Variants in SPAM1 observed in about 807,000 individuals in gnomAD.
SPAM1 encodes the protein sperm adhesion molecule 1, also known as hyaluronidase PH-20.
In SPAM1, 22 loss-of-function variants were observed where a neutral mutation model predicts 29.6. That is an observed-to-expected ratio of 0.74 (90% CI 0.53 to 1.06). SPAM1 has a LOEUF of 1.06. SPAM1 is among the 50% of genes least tolerant of loss of function. The pLI, the probability that SPAM1 is intolerant of heterozygous loss-of-function variation, is 0.00. For missense variants in SPAM1, 534 were observed against 604.0 expected (o/e 0.88, Z 1.21); for synonymous variants, 194 against 204.6 (o/e 0.95, Z 0.44).
At chr7:123,929,285 A>G (rs1470662928) in intron 1 of SPAM1, among the ~76,000 whole-genome samples, 2 of 152,128 alleles carry the variant, frequency 1.3e-5, no homozygotes, top group African/African-American at 4.8e-5. Flanking sequence ...GAGGCCCTAA[A>G]TATCAGCTGC....
At chr7:123,962,634 T>C (rs1362825673), downstream of SPAM1, among the ~76,000 whole-genome samples, 1 of 151,924 alleles carries the variant, frequency 6.6e-6, no homozygotes, top group Non-Finnish European at 1.5e-5. Flanking sequence ...TCCAGTAGTT[T>C]TATAGCTTCA....
chr7:123,964,778 C>A (rs1173873294), downstream of SPAM1, among the ~76,000 whole-genome samples: 1 of 151,956 alleles, frequency 6.6e-6, no homozygotes, highest in African/African-American at 2.4e-5. Context: ...TTTGTAAAAG[C>A]AGGAAAAACT....
chr7:123,962,732 A>G (rs1302613540), downstream of SPAM1, among the ~76,000 whole-genome samples: 1 of 151,916 alleles, frequency 6.6e-6, no homozygotes, highest in Non-Finnish European at 1.5e-5. Flanking sequence ...ATGAAATAAT[A>G]CTAAGTGGAA....
At chr7:123,928,631 A>G (rs572438184) in intron 1 of SPAM1, among the ~76,000 whole-genome samples, 20 of 152,182 alleles carry the variant, frequency 1.3e-4, no homozygotes, top group Non-Finnish European at 2.9e-4. Context: ...AGAAGTAGAG[A>G]AAGTCACATC....
downstream of SPAM1, among the ~76,000 whole-genome samples, chr7:123,962,313 G>A (rs1260285494): frequency 6.6e-6 from 1 of 151,762 alleles, no homozygotes; most frequent in Non-Finnish European, 1.5e-5. Context: ...TCACTTGTAT[G>A]TTTTGACAGC....
chr7:123,930,834 A>G (rs150825221), intron 1 of SPAM1, among the ~76,000 whole-genome samples: 70 of 152,274 alleles, frequency 4.6e-4, no homozygotes, highest in Non-Finnish European at 8.7e-4. Flanking sequence ...ATTTTTACTT[A>G]GCACCCACCA....
chr7:123,945,967 A>G (rs1808565355), intron 1 of SPAM1, among the ~76,000 whole-genome samples: 2 of 152,280 alleles, frequency 1.3e-5, no homozygotes, highest in South Asian at 4.1e-4. Flanking sequence ...AAACCCCAAC[A>G]GTATGATTAC....
chr7:123,966,759 C>T (rs1021765236), intron 5 of SPAM1, among the ~76,000 whole-genome samples: 1 of 151,774 alleles, frequency 6.6e-6, no homozygotes, highest in African/African-American at 2.4e-5. Flanking sequence ...ACACACTGGG[C>T]CTGTATAGGG....
intron 1 of SPAM1, among the ~76,000 whole-genome samples, chr7:123,938,087 C>CTT (rs112674188): frequency 4.4e-5 from 6 of 137,090 alleles, no homozygotes; most frequent in East Asian, 2.1e-4. Flanking sequence ...ACAAAATGTG[C>CTT]TTTTTTTTTT....
chr7:123,960,193 AG>A, downstream of SPAM1: 1 of 564,138 alleles, frequency 1.8e-6, no homozygotes, highest in East Asian at 3.1e-5. Flanking sequence ...AGGAGTCAAT[AG>A]CTTATGTAAA....
intron 1 of SPAM1, among the ~76,000 whole-genome samples, chr7:123,946,845 G>A (rs1563026290): frequency 6.6e-6 from 1 of 152,112 alleles, no homozygotes; most frequent in African/African-American, 2.4e-5. Flanking sequence ...AGCCTCAGTG[G>A]GATGACTTTG....
At chr7:123,968,248 C>T (rs13229421) in intron 5 of SPAM1, among the ~76,000 whole-genome samples, 51,374 of 151,914 alleles carry the variant, frequency 0.34, 9,732 homozygotes, top group African/African-American at 0.51. Context: ...TATAATTATA[C>T]GCAAACTGAG....
chr7:123,953,620 C>G lies in SPAM1; in HGVS notation c.50C>G (p.Ser17Ter), dbSNP rs144215726. 1.2e-6 allele frequency: 2 copies of G among 1,605,986 alleles called. No individual in the cohort carries two copies. The highest frequency in any genetic ancestry group is 2.7e-5 in the African/African-American group (2 of 74,364). ...ATCTTTTTCAGAAGCTTTGTTAAAT[C>G]AAGTGGAGTATCCCAGATAGTTTTC... Reference protein sequence around the residue: ...KHIFFRSFVKSSGVSQIVFTF... With the variant: ...KHIFFRSFVK The change falls in exon 3 of 5, where the codon TCA (serine) becomes TGA (stop). Residue 17 changes from serine (S) to a stop codon, truncating the protein, a stop_gained. Transcript: ENST00000682466. LOFTEE classifies it high-confidence loss of function.
chr7:123,963,660 T>C (rs1280394505), downstream of SPAM1, among the ~76,000 whole-genome samples: 1 of 151,946 alleles, frequency 6.6e-6, no homozygotes, highest in Non-Finnish European at 1.5e-5. Flanking sequence ...CAAATTACTT[T>C]TTTATAAGAA....
intron 1 of SPAM1, among the ~76,000 whole-genome samples, chr7:123,946,884 A>C (rs1808590826): frequency 6.6e-6 from 1 of 152,226 alleles, no homozygotes; most frequent in South Asian, 2.1e-4. Context: ...TCCAGGAGGC[A>C]TTTCCTTGTG....
chr7:123,970,088 TG>T, intron 5 of SPAM1: 2 of 1,082,924 alleles, frequency 1.8e-6, no homozygotes, highest in South Asian at 3.7e-5. Flanking sequence ...TGGAGTCTCC[TG>T]GTATTTATTC....
intron 4 of SPAM1, among the ~76,000 whole-genome samples, chr7:123,956,432 C>T (rs535521498): frequency 2.6e-5 from 4 of 151,976 alleles, no homozygotes; most frequent in South Asian, 4.1e-4. Context: ...CTTAAGAAAC[C>T]GATAATTGCA....
chr7:123,960,302 T>G (rs923569927), downstream of SPAM1, among the ~76,000 whole-genome samples: 1 of 151,956 alleles, frequency 6.6e-6, no homozygotes, highest in African/African-American at 2.4e-5. Flanking sequence ...ATACTGACAT[T>G]TTGATAAAAT....
chr7:123,930,416 C>T (rs765908139), intron 1 of SPAM1, among the ~76,000 whole-genome samples: 12 of 152,228 alleles, frequency 7.9e-5, no homozygotes, highest in Admixed American at 2.6e-4. Flanking sequence ...CAAGAGGTAT[C>T]GCCAAAGAGG....
Sources: allele counts gnomAD v4.1 joint callset (sites outside exome capture counted in the v4.1 genomes callset), GRCh38; gene constraint gnomAD v4.1.1; transcripts MANE v1.5; gene names NCBI Gene and HGNC (gene_info 2026-07-23, HGNC 2026-07-21).